Variants in ARMH4 observed in about 807,000 individuals in gnomAD.
ARMH4 encodes armadillo like helical domain containing 4, also known as armadillo-like helical domain-containing protein 4.
In ARMH4, 49 loss-of-function variants were observed where a neutral mutation model predicts 61.9. That is an observed-to-expected ratio of 0.79 (90% CI 0.63 to 1.00). The LOEUF (loss-of-function observed/expected upper bound fraction) is 1.00, where lower values mean the gene tolerates loss of function less well. Ranked by LOEUF, ARMH4 falls within the 50% of genes least tolerant of loss-of-function variation. The pLI is 0.00. For synonymous variants in ARMH4, 368 were observed against 341.5 expected (o/e 1.08, Z -0.85); for missense variants, 934 against 930.0 (o/e 1.00, Z -0.06).
intron 6 of ARMH4, among the ~76,000 whole-genome samples, chr14:58,010,280 T>A (rs985200679): frequency 1.3e-5 from 2 of 152,190 alleles, no homozygotes; most frequent in Non-Finnish European, 2.9e-5. Flanking sequence ...TCTATGTACA[T>A]GTATCTTCTC....
chr14:58,047,121 A>G (rs927682783), intron 5 of ARMH4, among the ~76,000 whole-genome samples: 1 of 152,232 alleles, frequency 6.6e-6, no homozygotes, highest in African/African-American at 2.4e-5. Flanking sequence ...CCTTGCAGCC[A>G]GCCTCAATAT....
chr14:58,114,600 A>G (rs940433172), intron 4 of ARMH4, among the ~76,000 whole-genome samples: 1 of 152,228 alleles, frequency 6.6e-6, no homozygotes, highest in East Asian at 1.9e-4. Flanking sequence ...CATCCATTTT[A>G]TCTACTGTAA....
At chr14:58,026,386 T>G (rs1335569308) in intron 5 of ARMH4, among the ~76,000 whole-genome samples, 1 of 152,164 alleles carries the variant, frequency 6.6e-6, no homozygotes, top group Non-Finnish European at 1.5e-5. Context: ...AAGTTTCTGC[T>G]GAGCACCAAG....
chr14:58,012,245 T>A, intron 5 of ARMH4, 95 bp from the exon 6 acceptor site: 1 of 669,760 alleles, frequency 1.5e-6, no homozygotes, highest in Non-Finnish European at 2.5e-6. Context: ...GTTTTTTGTA[T>A]TAAATACAGT....
chr14:58,125,112 A>G (rs556191645), intron 4 of ARMH4, among the ~76,000 whole-genome samples: 26 of 152,200 alleles, frequency 1.7e-4, no homozygotes, highest in African/African-American at 6.3e-4. Flanking sequence ...AAAGGAAAGG[A>G]AAGGAAAATA....
intron 1 of ARMH4, among the ~76,000 whole-genome samples, chr14:58,142,366 G>C (rs1369116828): frequency 6.6e-6 from 1 of 152,164 alleles, no homozygotes; most frequent in East Asian, 1.9e-4. Flanking sequence ...TTTCAAGAAA[G>C]AAGAAAGGTA....
At chr14:58,133,046 G>A in intron 3 of ARMH4, 44 bp downstream of exon 3, 1 of 1,605,684 alleles carries the variant, frequency 6.2e-7, no homozygotes, top group Non-Finnish European at 8.5e-7. Context: ...CTTAACAGAA[G>A]AGATCCACCC....
intron 5 of ARMH4, among the ~76,000 whole-genome samples, chr14:58,059,816 G>A (rs563083160): frequency 2.0e-5 from 3 of 152,206 alleles, no homozygotes; most frequent in Admixed American, 6.5e-5. Flanking sequence ...ATCATCCTTC[G>A]ATGTGTGCAG....
intron 5 of ARMH4, among the ~76,000 whole-genome samples, chr14:58,021,585 G>A (rs772230815): frequency 5.9e-5 from 9 of 152,176 alleles, no homozygotes; most frequent in African/African-American, 9.7e-5. Context: ...CCAATATAGT[G>A]TTTGATCAAA....
chr14:58,028,035 C>A (rs1208120636), intron 5 of ARMH4, among the ~76,000 whole-genome samples: 2 of 152,076 alleles, frequency 1.3e-5, no homozygotes, highest in East Asian at 3.9e-4. Context: ...ATCCCTTAAG[C>A]AAGCATGTTA....
chr14:58,027,248 A>T (rs1367966605), intron 5 of ARMH4, among the ~76,000 whole-genome samples: 1 of 152,260 alleles, frequency 6.6e-6, no homozygotes, highest in Non-Finnish European at 1.5e-5. Context: ...CATAGTGCCC[A>T]TAGCTAATGA....
chr14:58,009,509 T>A (rs1187582811), intron 6 of ARMH4, among the ~76,000 whole-genome samples: 1 of 151,820 alleles, frequency 6.6e-6, no homozygotes, highest in African/African-American at 2.4e-5. Context: ...TCTCCAGACT[T>A]AAAAACAAGA....
rs913099785 is a variant in ARMH4 at position 58,034,400 on chromosome 14, G to A, written c.2090-22250C>T. Among the ~76,000 whole-genome samples, 256 of 118,710 alleles carry A rather than the reference G, an allele frequency of 2.2e-3. 20 individuals carry two copies. Among genetic ancestry groups the A allele is most frequent in the African/African-American group, 8.0e-3 (254 of 31,904 alleles). The allele number at this position is 118,710 out of a possible 152,430, so 77.9% of individuals were successfully genotyped here. A position where few individuals can be genotyped will look rare whatever the true frequency, so the allele number is the denominator to read the frequency against. On this transcript the variant is annotated intron_variant, in intron 5 of 7. Transcript: ENST00000267485. ...GCCTGCCCTAAAAGAGCTCCTGAAG[G>A]AAGCGCTAAACATGGAAAGGAACAA...
At chr14:58,010,341 T>TGTGTGTGTACACACAA (rs1245057053) in intron 6 of ARMH4, among the ~76,000 whole-genome samples, 4 of 152,140 alleles carry the variant, frequency 2.6e-5, no homozygotes, top group African/African-American at 9.6e-5. Context: ...AACGAAGATA[T>TGTGTGTGTACACACAA]ATGTACATAT....
chr14:58,134,746 G>C (rs1887246360), intron 2 of ARMH4, among the ~76,000 whole-genome samples: 3 of 151,960 alleles, frequency 2.0e-5, no homozygotes, highest in Admixed American at 6.6e-5. Context: ...CACAAGGTCA[G>C]GAGTTCGAGA....
At chr14:58,044,714 C>T (rs1216378629) in intron 5 of ARMH4, among the ~76,000 whole-genome samples, 3 of 152,082 alleles carry the variant, frequency 2.0e-5, no homozygotes, top group African/African-American at 4.8e-5. Flanking sequence ...GCAATCTACT[C>T]ATCCGATAAA....
Position 58,096,945 on chromosome 14 carries a change from T to C in ARMH4, c.1868A>G (p.Asp623Gly), listed in dbSNP as rs767129929. The C allele has an allele frequency of 1.9e-5, 30 of 1,613,284 alleles. No homozygotes were observed. The Middle Eastern group carries it at 4.9e-4, about 27-fold the overall frequency. Residue 623 changes from aspartate to glycine, a missense_variant, in exon 5 of 8, where the codon GAT (aspartate) becomes GGT (glycine). Physicochemically the swap from Asp to Gly is moderately conservative, Grantham distance 94. Coordinates refer to ENST00000267485, the MANE Select transcript of ARMH4 (RefSeq NM_001001872.4). ...QEDEDEEDEEDEDEEEEDEEE... is the reference protein window; with the variant it reads ...QEDEDEEDEEGEDEEEEDEEE... The stretch of plus-strand genomic sequence containing the variant: ...CTCATCTTCCTCTTCTTCATCTTCA[T>C]CTTCTTCATCCTCTTCATCCTCATC...
chr14:58,080,102 A>G (rs1017696838), intron 5 of ARMH4, among the ~76,000 whole-genome samples: 1 of 146,456 alleles, frequency 6.8e-6, no homozygotes, highest in African/African-American at 2.5e-5. Context: ...CACTATCATT[A>G]AGATTTATAT....
At chr14:58,068,973 T>C (rs1884792963) in intron 5 of ARMH4, among the ~76,000 whole-genome samples, 1 of 144,900 alleles carries the variant, frequency 6.9e-6, no homozygotes, top group African/African-American at 2.6e-5. Context: ...ACCACTGCAC[T>C]CCAGCCTAGG....
Sources: gnomAD v4.1 joint callset for allele counts (sites outside exome capture counted in the v4.1 genomes callset) on GRCh38, gnomAD v4.1.1 for gene constraint, MANE v1.5 for transcripts, NCBI Gene and HGNC (gene_info 2026-07-23, HGNC 2026-07-21) for gene names.